Variants in RANBP3L observed in about 807,000 individuals in gnomAD.
RANBP3L encodes ran-binding protein 3-like.
RANBP3L carries 56 observed loss-of-function variants against 67.2 expected under a neutral mutation model. The ratio of observed to expected loss-of-function variants is 0.83; its 90% CI spans 0.67 to 1.04. RANBP3L has a LOEUF of 1.04. Among genes scored for constraint, RANBP3L ranks in the 50% least tolerant of loss-of-function variants. The probability of loss-of-function intolerance (pLI) is 0.00; values close to 1 mark genes in which losing one functional copy is unlikely to be tolerated. For missense variants in RANBP3L, 496 were observed against 535.5 expected, an observed-to-expected ratio of 0.93 and a Z score of 0.73; for synonymous variants, 164 against 181.4, an observed-to-expected ratio of 0.90 and a Z score of 0.77.
chr5:36,299,504 A>G (rs1456180969), intron 1 of RANBP3L, among the ~76,000 whole-genome samples: 1 of 152,090 alleles, frequency 6.6e-6, no homozygotes, highest in Non-Finnish European at 1.5e-5. Flanking sequence ...AGTTTAAAAA[A>G]TAATAGTATT....
chr5:36,251,382 G>T lies in RANBP3L; in HGVS notation c.1285C>A (p.Gln429Lys), dbSNP rs1339972933. 6.2e-7 allele frequency: 1 copy of T among 1,613,174 alleles called. No homozygotes were observed. Among genetic ancestry groups the T allele is most frequent in the Non-Finnish European group, 8.5e-7 (1 of 1,179,542 alleles). Residue 429 changes from glutamine (Q) to lysine (K), a missense_variant, in exon 13 of 14, where the codon CAA (glutamine) becomes AAA (lysine). Coordinates refer to ENST00000296604, the MANE Select transcript of RANBP3L (RefSeq NM_145000.5). Reference sequence around the variant, plus strand: ...TCACAGCTTTCGCAGTTCAATTGTTGGGCTGTTTCTGACAGGCTTTCAGCT... The same window carrying T: ...TCACAGCTTTCGCAGTTCAATTGTTTGGCTGTTTCTGACAGGCTTTCAGCT... ...NQAESLSETA[Q>K]QLNCESCDEN... is the part of the protein sequence containing the mutation.
chr5:36,273,014 C>A (rs1472362691), intron 1 of RANBP3L, among the ~76,000 whole-genome samples: 1 of 152,174 alleles, frequency 6.6e-6, no homozygotes, highest in Non-Finnish European at 1.5e-5. Context: ...AGCAGAAAAT[C>A]TTCACTAATA....
intron 1 of RANBP3L, among the ~76,000 whole-genome samples, chr5:36,300,315 C>T (rs901901512): frequency 1.3e-5 from 2 of 152,048 alleles, no homozygotes; most frequent in Non-Finnish European, 2.9e-5. Flanking sequence ...TATTTTCTGC[C>T]GACACTATGC....
chr5:36,290,948 G>A (rs1330972287), intron 1 of RANBP3L, among the ~76,000 whole-genome samples: 2 of 135,008 alleles, frequency 1.5e-5, no homozygotes, highest in Non-Finnish European at 3.1e-5. Flanking sequence ...GTTTCACCAT[G>A]TTGGCCAGGA....
intron 11 of RANBP3L, 120 bp downstream of exon 11, chr5:36,255,350 G>C (rs991312035): frequency 1.1e-6 from 1 of 949,858 alleles, no homozygotes; most frequent in Non-Finnish European, 1.5e-6. Flanking sequence ...ATTTTCAACA[G>C]TCTGATTTTT....
rs3086448 is a variant in RANBP3L at position 36,283,539 on chromosome 5, T to TACACACACACAC, written c.92-12240_92-12229dup. On this transcript the variant is annotated intron_variant, in intron 1 of 13. Transcript: ENST00000296604. ...CTTGCCTATGCTCTGTATATAAAAA[T>TACACACACACAC]ACACACACACACACACACACACACA... Among the ~76,000 whole-genome samples, 921 of 144,776 alleles carry TACACACACACAC rather than the reference T, an allele frequency of 6.4e-3. 10 individuals are homozygous for TACACACACACAC. Among genetic ancestry groups the TACACACACACAC allele is most frequent in the African/African-American group, 0.022 (864 of 39,252 alleles). The allele number at this position is 144,776 out of a possible 152,430, so 95.0% of individuals were successfully genotyped here.
At chr5:36,268,169 G>A (rs1278178502) in intron 4 of RANBP3L, 1 of 1,443,816 alleles carries the variant, frequency 6.9e-7, no homozygotes, top group Admixed American at 2.4e-5. Flanking sequence ...TGTCAGGCTT[G>A]AGGTTCTAGA....
Position 36,253,756 on chromosome 5 carries a change from A to T in RANBP3L, c.1058T>A (p.Leu353His). 3.1e-6 allele frequency: 5 copies of T among 1,613,166 alleles called. No individual in the cohort carries two copies. Among genetic ancestry groups the T allele is most frequent in the Non-Finnish European group, 4.2e-6 (5 of 1,179,262 alleles). Residue 353 changes from leucine (L) to histidine (H), a missense_variant, in exon 12 of 14, where the codon CTC becomes CAC. By Grantham distance (99) the Leu-to-His change is moderately conservative. Transcript: ENST00000296604. ...MRNQGSLRLI[L>H]NSKLWAQMKI... ...CATTTGGGCCCAGAGTTTGCTGTTGAGGATCAGCCTTAGACTGCCTTGATT... is the reference window on the plus strand; with the variant it reads ...CATTTGGGCCCAGAGTTTGCTGTTGTGGATCAGCCTTAGACTGCCTTGATT...
At chr5:36,265,595 C>T in intron 4 of RANBP3L, 75 bp from the exon 5 acceptor site, 2 of 848,574 alleles carry the variant, frequency 2.4e-6, no homozygotes, top group South Asian at 1.6e-5. Context: ...GCTTAACAAT[C>T]CCATTCCGAA....
At position 36,271,291 on chromosome 5, in the gene RANBP3L, G is replaced by T; in HGVS notation, c.112C>A (p.Pro38Thr). Residue 38 changes from proline to threonine, a missense_variant, in exon 2 of 14, where the codon CCC (proline) becomes ACC (threonine). By Grantham distance (38) the Pro-to-Thr change is conservative. Transcript: ENST00000296604. ...TCTCCCTTTTCAAAAACAAATATGGGTTGAGCAATGACAGATTTTTCTGTG... is the reference window on the plus strand; with the variant it reads ...TCTCCCTTTTCAAAAACAAATATGGTTTGAGCAATGACAGATTTTTCTGTG... ...RQQEKSVIAQ[P>T]IFVFEKGEQT... The T allele has an allele frequency of 1.3e-6, 2 of 1,587,098 alleles. No homozygotes were observed. Among genetic ancestry groups the T allele is most frequent in the Non-Finnish European group, 1.7e-6 (2 of 1,156,864 alleles).
intron 11 of RANBP3L, among the ~76,000 whole-genome samples, chr5:36,254,518 CTTTGGCAGGCAGTGG>C (rs1049150938): frequency 1.3e-5 from 2 of 149,082 alleles, no homozygotes; most frequent in African/African-American, 4.9e-5. Flanking sequence ...ATTTTTTTTT[CTTTGGCAGGCAGTGG>C]AATCAAACCA....
At chr5:36,263,237 G>T (rs776550234) in intron 6 of RANBP3L, among the ~76,000 whole-genome samples, 1 of 151,936 alleles carries the variant, frequency 6.6e-6, no homozygotes, top group African/African-American at 2.4e-5. Flanking sequence ...TGGAAATAAG[G>T]TTTATTCCCT....
At chr5:36,270,317 A>G (rs1393022433) in intron 2 of RANBP3L, among the ~76,000 whole-genome samples, 1 of 152,170 alleles carries the variant, frequency 6.6e-6, no homozygotes, top group Non-Finnish European at 1.5e-5. Context: ...TGAGGCACCT[A>G]TTCTCAAGAT....
At chr5:36,260,197 C>T (rs1446844949) in intron 8 of RANBP3L, among the ~76,000 whole-genome samples, 3 of 139,812 alleles carry the variant, frequency 2.1e-5, no homozygotes, top group Non-Finnish European at 4.6e-5. Context: ...ACTAAAAATA[C>T]AAAAAAAAAA....
intron 1 of RANBP3L, among the ~76,000 whole-genome samples, chr5:36,273,188 A>G (rs1750343996): frequency 6.6e-6 from 1 of 152,214 alleles, no homozygotes; most frequent in Non-Finnish European, 1.5e-5. Flanking sequence ...ATCAGTTAGA[A>G]TAATAAATGT....
chr5:36,286,862 C>A (rs909635580), intron 1 of RANBP3L, among the ~76,000 whole-genome samples: 16 of 152,280 alleles, frequency 1.1e-4, no homozygotes, highest in African/African-American at 3.6e-4. Context: ...GGTCTTTACT[C>A]AAATTCACCT....
At position 36,255,580 on chromosome 5, in the gene RANBP3L, T is replaced by C; in HGVS notation, c.914A>G (p.Lys305Arg). The C allele has an allele frequency of 6.2e-7, 1 of 1,604,124 alleles. No homozygotes were observed. Among genetic ancestry groups the C allele is most frequent in the Admixed American group, 1.7e-5 (1 of 58,452 alleles). The change falls in exon 11 of 14, where the codon AAG becomes AGG. Residue 305 changes from lysine to arginine, a missense_variant. Lys to Arg is a conservative substitution (Grantham distance 26). Coordinates refer to ENST00000296604, the MANE Select transcript of RANBP3L (RefSeq NM_145000.5). ...TGTTGTTTTGTTGAATATGAAAAGC[T>C]TGCAGTTTATCTAAATGACAATTTT... ...TEHNVLKINC[K>R]LFIFNKTTQS...
intron 1 of RANBP3L, among the ~76,000 whole-genome samples, chr5:36,288,478 T>C (rs1030879375): frequency 6.6e-6 from 1 of 152,196 alleles, no homozygotes; most frequent in Non-Finnish European, 1.5e-5. Flanking sequence ...ATATTTTTAT[T>C]TCTCTTGGAA....
At chr5:36,278,954 G>T (rs1224590471) in intron 1 of RANBP3L, among the ~76,000 whole-genome samples, 1 of 152,048 alleles carries the variant, frequency 6.6e-6, no homozygotes, top group Non-Finnish European at 1.5e-5. Flanking sequence ...TTGCTGCAAA[G>T]CAAAAATTTA....
Sources: gnomAD v4.1 joint callset for allele counts (sites outside exome capture counted in the v4.1 genomes callset) on GRCh38, gnomAD v4.1.1 for gene constraint, MANE v1.5 for transcripts, NCBI Gene and HGNC (gene_info 2026-07-23, HGNC 2026-07-21) for gene names.